Variants in RALA observed in about 807,000 individuals in gnomAD.
RALA encodes RAS like proto-oncogene A, also known as ras-related protein Ral-A.
Under a neutral mutation model 24.0 loss-of-function variants are expected in RALA, and 5 were observed. The observed-to-expected ratio is 0.21, with a 90% confidence interval of 0.11 to 0.44. The LOEUF is 0.44. Among genes scored for constraint, RALA ranks in the 20% least tolerant of loss-of-function variants. RALA has a pLI of 0.99. For missense variants in RALA, 95 were observed against 241.2 expected, an observed-to-expected ratio of 0.39 and a Z score of 4.01; for synonymous variants, 77 against 83.8, an observed-to-expected ratio of 0.92 and a Z score of 0.44.
At chr7:39,686,858 TG>T in intron 2 of RALA, 77 bp downstream of exon 2, 3 of 1,097,354 alleles carry the variant, frequency 2.7e-6, no homozygotes, top group Non-Finnish European at 4.1e-6. Flanking sequence ...GGTGCTATTT[TG>T]TATGGATTGT....
intron 1 of RALA, among the ~76,000 whole-genome samples, chr7:39,630,044 T>G (rs1344525519): frequency 6.6e-6 from 1 of 152,006 alleles, no homozygotes; most frequent in African/African-American, 2.4e-5. Flanking sequence ...TTACTTTTTT[T>G]CTTTTTTTTG....
At chr7:39,688,343 A>G (rs1033803456) in intron 2 of RALA, among the ~76,000 whole-genome samples, 6 of 152,140 alleles carry the variant, frequency 3.9e-5, no homozygotes, top group East Asian at 3.9e-4. Context: ...ACAGTGAGCA[A>G]TGACTGTGCC....
At chr7:39,667,509 C>A (rs995574043) in intron 1 of RALA, among the ~76,000 whole-genome samples, 1 of 152,218 alleles carries the variant, frequency 6.6e-6, no homozygotes, top group Non-Finnish European at 1.5e-5. Context: ...GAAGGGCTAC[C>A]CAGCATTCCC....
chr7:39,663,366 A>G (rs1792227666), intron 1 of RALA, among the ~76,000 whole-genome samples: 1 of 152,174 alleles, frequency 6.6e-6, no homozygotes, highest in Non-Finnish European at 1.5e-5. Flanking sequence ...ACCTACTTCA[A>G]ATGCCATGTG....
At chr7:39,648,981 GC>G (rs1791974441) in intron 1 of RALA, among the ~76,000 whole-genome samples, 1 of 152,110 alleles carries the variant, frequency 6.6e-6, no homozygotes, top group South Asian at 2.1e-4. Context: ...GATCGCTTGA[GC>G]CCAGGAGATC....
intron 1 of RALA, among the ~76,000 whole-genome samples, chr7:39,642,626 C>T (rs779932820): frequency 6.6e-6 from 1 of 152,138 alleles, no homozygotes. Context: ...CATTCGTAAA[C>T]CCCTGTAGTG....
At chr7:39,677,951 A>T (rs1247089562) in intron 1 of RALA, among the ~76,000 whole-genome samples, 1 of 146,818 alleles carries the variant, frequency 6.8e-6, no homozygotes, top group Non-Finnish European at 1.5e-5. Context: ...TCTGGATATT[A>T]GCCCTTTGTC....
chr7:39,701,935 G>T (rs1193247292), intron 4 of RALA, among the ~76,000 whole-genome samples: 3 of 152,078 alleles, frequency 2.0e-5, no homozygotes, highest in Non-Finnish European at 4.4e-5. Flanking sequence ...AAATGCTCTG[G>T]GTCTTAATTC....
chr7:39,670,723 C>T (rs1032693048), intron 1 of RALA, among the ~76,000 whole-genome samples: 2 of 152,056 alleles, frequency 1.3e-5, no homozygotes, highest in Admixed American at 6.5e-5. Flanking sequence ...TTTCCTTTTC[C>T]ACCTTTCAGG....
At chr7:39,636,475 A>G (rs1038685464) in intron 1 of RALA, among the ~76,000 whole-genome samples, 1 of 152,204 alleles carries the variant, frequency 6.6e-6, no homozygotes, top group African/African-American at 2.4e-5. Flanking sequence ...TAAGTTATCT[A>G]TATTTTAGCA....
chr7:39,687,224 G>A lies in RALA; in HGVS notation c.114+443G>A, dbSNP rs548263571. Among the ~76,000 whole-genome samples, 12 of 152,150 alleles carry A rather than the reference G, an allele frequency of 7.9e-5. No individual in the cohort carries two copies. The East Asian group carries it at 1.9e-3, about 25-fold the overall frequency. On this transcript the variant is annotated intron_variant, in intron 2 of 4. Coordinates refer to ENST00000005257, the MANE Select transcript of RALA (RefSeq NM_005402.4). ...AGGCAGATCACAAGGTTAGGAGATC[G>A]AGACCATCCTGGCTAACACGGTGAA...
chr7:39,632,673 C>A (rs1463614128), intron 1 of RALA, among the ~76,000 whole-genome samples: 2 of 152,174 alleles, frequency 1.3e-5, no homozygotes, highest in African/African-American at 4.8e-5. Flanking sequence ...CAAAAATTAG[C>A]TAAGTATGGT....
chr7:39,644,582 A>C (rs776790173), intron 1 of RALA, among the ~76,000 whole-genome samples: 5 of 152,198 alleles, frequency 3.3e-5, no homozygotes, highest in Non-Finnish European at 7.3e-5. Flanking sequence ...ATAAGATTGC[A>C]TTACTACTGA....
At chr7:39,704,048 C>T (rs1445263592) in intron 4 of RALA, among the ~76,000 whole-genome samples, 1 of 151,490 alleles carries the variant, frequency 6.6e-6, no homozygotes, top group Admixed American at 6.6e-5. Context: ...TGTCTGTAAT[C>T]CCAGCTACTT....
At chr7:39,679,415 A>G (rs1792546357) in intron 1 of RALA, among the ~76,000 whole-genome samples, 1 of 152,212 alleles carries the variant, frequency 6.6e-6, no homozygotes. Flanking sequence ...CCTTGCAAAC[A>G]TACAGTTATC....
chr7:39,638,065 GTC>G (rs892718727), intron 1 of RALA, among the ~76,000 whole-genome samples: 3 of 152,054 alleles, frequency 2.0e-5, no homozygotes, highest in Non-Finnish European at 4.4e-5. Flanking sequence ...GTCTCCTAAT[GTC>G]TCTCTCTTTT....
At chr7:39,691,218 G>C (rs1302913897) in intron 3 of RALA, among the ~76,000 whole-genome samples, 2 of 152,124 alleles carry the variant, frequency 1.3e-5, no homozygotes, top group Admixed American at 1.3e-4. Flanking sequence ...TTTTGGTGAA[G>C]GGGAAAGAGG....
intron 1 of RALA, among the ~76,000 whole-genome samples, chr7:39,640,343 G>C (rs141206881): frequency 1.3e-3 from 204 of 152,276 alleles, no homozygotes; most frequent in Middle Eastern, 6.8e-3. Context: ...AGCGTGAAAT[G>C]GTATCTTACT....
chr7:39,664,336 C>T (rs1037708522), intron 1 of RALA, among the ~76,000 whole-genome samples: 1 of 152,180 alleles, frequency 6.6e-6, no homozygotes, highest in African/African-American at 2.4e-5. Flanking sequence ...AACAAGAACC[C>T]TTTTTCTGGA....
Sources: allele counts gnomAD v4.1 joint callset (sites outside exome capture counted in the v4.1 genomes callset), GRCh38; gene constraint gnomAD v4.1.1; transcripts MANE v1.5; gene names NCBI Gene and HGNC (gene_info 2026-07-23, HGNC 2026-07-21).